The following FRMD4B variants were observed in gnomAD, a reference collection of about 807,000 sequenced individuals.
FRMD4B encodes FERM domain-containing protein 4B.
A neutral mutation model predicts 141.5 loss-of-function variants in FRMD4B; 74 were observed. The observed-to-expected ratio is 0.52, with a 90% CI of 0.43 to 0.63. FRMD4B has a LOEUF of 0.63. Ranked by LOEUF, FRMD4B falls within the 30% of genes least tolerant of loss-of-function variation. FRMD4B has a pLI of 0.00. For missense variants in FRMD4B, 1,366 were observed against 1,253.4 expected, an observed-to-expected ratio of 1.09 and a Z score of -1.36; for synonymous variants, 506 against 467.9, an observed-to-expected ratio of 1.08 and a Z score of -1.05.
intron 22 of FRMD4B, among the ~76,000 whole-genome samples, chr3:69,173,837 T>C (rs1238295010): frequency 1.3e-5 from 2 of 152,286 alleles, no homozygotes; most frequent in South Asian, 2.1e-4. Context: ...TGGACAAAGA[T>C]GTTAACAGCT....
intron 2 of FRMD4B, among the ~76,000 whole-genome samples, chr3:69,432,445 T>G (rs1390657653): frequency 6.6e-6 from 1 of 152,196 alleles, no homozygotes; most frequent in Non-Finnish European, 1.5e-5. Flanking sequence ...ACTTAATTTA[T>G]TAATTTTCTT....
chr3:69,301,668 T>C (rs1197730507), intron 4 of FRMD4B, among the ~76,000 whole-genome samples: 1 of 152,174 alleles, frequency 6.6e-6, no homozygotes, highest in Admixed American at 6.5e-5. Context: ...TCTTAGAATG[T>C]GAACTAAAAA....
chr3:69,251,642 T>G (rs945336133), intron 5 of FRMD4B, among the ~76,000 whole-genome samples: 5 of 152,208 alleles, frequency 3.3e-5, no homozygotes, highest in African/African-American at 1.2e-4. Flanking sequence ...CTTCAAAGTT[T>G]ATTGCCTCAA....
chr3:69,328,135 C>T (rs1254174813), intron 1 of FRMD4B, among the ~76,000 whole-genome samples: 3 of 152,212 alleles, frequency 2.0e-5, no homozygotes, highest in Non-Finnish European at 4.4e-5. Context: ...CTTGGCCACT[C>T]ACGAAAGCCC....
At chr3:69,464,100 G>A (rs13327111) in intron 1 of FRMD4B, among the ~76,000 whole-genome samples, 2 of 152,178 alleles carry the variant, frequency 1.3e-5, no homozygotes, top group African/African-American at 2.4e-5. Context: ...CAACTACCAC[G>A]TGCAGACTCT....
chr3:69,314,859 A>C (rs535231935), intron 1 of FRMD4B, among the ~76,000 whole-genome samples: 1 of 152,160 alleles, frequency 6.6e-6, no homozygotes, highest in South Asian at 2.1e-4. Context: ...AAAAGTATTT[A>C]TTCATTGGTG....
intron 1 of FRMD4B, among the ~76,000 whole-genome samples, chr3:69,517,516 G>C (rs541694991): frequency 6.6e-6 from 1 of 152,154 alleles, no homozygotes; most frequent in Non-Finnish European, 1.5e-5. Context: ...AAAATTGCCT[G>C]ACCATTAAGT....
intron 1 of FRMD4B, among the ~76,000 whole-genome samples, chr3:69,506,244 C>A (rs184581594): frequency 9.9e-5 from 15 of 152,188 alleles, no homozygotes; most frequent in East Asian, 7.7e-4. Context: ...CAGAACAACA[C>A]GCATTTATGT....
Position 69,270,816 on chromosome 3 carries a change from G to A in FRMD4B, c.501+16936C>T, listed in dbSNP as rs183146545. On this transcript the variant is annotated intron_variant, in intron 5 of 22. Transcript: ENST00000398540. ...CTTGACCTCGTGATCCGCCCGCCTC[G>A]GCCTCTCAAAGTGCTGGGATTACAG... Among the ~76,000 whole-genome samples, 124 of 152,008 alleles carry A rather than the reference G, an allele frequency of 8.2e-4. 1 individual carries two copies. The highest frequency in any genetic ancestry group is 2.7e-3 in the African/African-American group (113 of 41,464).
Position 69,353,642 on chromosome 3 carries a change from T to C in FRMD4B, c.162+32186A>G, listed in dbSNP as rs531358845. On this transcript the variant is annotated intron_variant, in intron 1 of 22. Transcript: ENST00000398540. ...AGCACTTGTGCGGTGTGTGTGTGTG[T>C]GCGCGCGCGTGTGTGTGCGCGCATG... 281 of 977,854 alleles carry C rather than the reference T, an allele frequency of 2.9e-4. No homozygotes were observed. In the African/African-American group the frequency reaches 3.3e-3, roughly 11 times the overall value. 60.6% of individuals were successfully genotyped at this position (977,854 alleles called of 1,614,324 possible). A position where few individuals can be genotyped will look rare whatever the true frequency, so the allele number is the denominator to read the frequency against.
At chr3:69,502,722 A>T (rs1291099410) in intron 1 of FRMD4B, among the ~76,000 whole-genome samples, 1 of 152,144 alleles carries the variant, frequency 6.6e-6, no homozygotes, top group Non-Finnish European at 1.5e-5. Context: ...CAGCAAAAAA[A>T]AAACTACCAT....
chr3:69,437,951 T>C (rs1198157788), intron 1 of FRMD4B, among the ~76,000 whole-genome samples: 1 of 140,442 alleles, frequency 7.1e-6, no homozygotes, highest in East Asian at 2.0e-4. Flanking sequence ...TAACATATAC[T>C]AATATAATAC....
chr3:69,210,640 A>C (rs923472527), intron 11 of FRMD4B, among the ~76,000 whole-genome samples: 1 of 152,140 alleles, frequency 6.6e-6, no homozygotes, highest in Admixed American at 6.5e-5. Flanking sequence ...TTTTCCTTTA[A>C]TTTGCGTCAC....
At chr3:69,368,458 C>T (rs898086070) in intron 1 of FRMD4B, among the ~76,000 whole-genome samples, 6 of 152,208 alleles carry the variant, frequency 3.9e-5, no homozygotes, top group Non-Finnish European at 7.3e-5. Flanking sequence ...ACTGTGGTTT[C>T]CCAGGCCACA....
intron 1 of FRMD4B, among the ~76,000 whole-genome samples, chr3:69,336,077 C>T (rs1702540226): frequency 1.4e-5 from 2 of 145,692 alleles, no homozygotes; most frequent in South Asian, 4.4e-4. Flanking sequence ...ATTTTCTTTA[C>T]CCCTCAAGAA....
At chr3:69,193,519 A>C (rs1166018502) in intron 17 of FRMD4B, 129 bp downstream of exon 17, 2 of 624,220 alleles carry the variant, frequency 3.2e-6, no homozygotes, top group Non-Finnish European at 5.6e-6. Flanking sequence ...CAAATAAAAA[A>C]GAAAACTTAG....
intron 2 of FRMD4B, among the ~76,000 whole-genome samples, chr3:69,415,851 T>C (rs1314757865): frequency 2.0e-5 from 3 of 152,238 alleles, no homozygotes; most frequent in Admixed American, 1.3e-4. Context: ...GCTCAAGGAA[T>C]GTTTGTTGAA....
At chr3:69,356,755 C>G (rs1056315285) in intron 1 of FRMD4B, among the ~76,000 whole-genome samples, 1 of 151,630 alleles carries the variant, frequency 6.6e-6, no homozygotes, top group Non-Finnish European at 1.5e-5. Context: ...TTTGTTTGTT[C>G]TGGAGTTACA....
intron 1 of FRMD4B, among the ~76,000 whole-genome samples, chr3:69,477,531 G>C (rs1706024012): frequency 6.6e-6 from 1 of 151,772 alleles, no homozygotes; most frequent in Non-Finnish European, 1.5e-5. Flanking sequence ...TATTGAACCA[G>C]CCTTGCATCC....
Sources: gnomAD v4.1 joint callset for allele counts (sites outside exome capture counted in the v4.1 genomes callset) on GRCh38, gnomAD v4.1.1 for gene constraint, MANE v1.5 for transcripts, NCBI Gene and HGNC (gene_info 2026-07-23, HGNC 2026-07-21) for gene names.